The following KIAA0825 variants were observed in gnomAD, a reference collection of about 807,000 sequenced individuals.
KIAA0825 encodes KIAA0825.
KIAA0825 carries 119 observed loss-of-function variants against 147.6 expected under a neutral mutation model. The ratio of observed to expected loss-of-function variants is 0.81; its 90% confidence interval spans 0.69 to 0.94. KIAA0825 has a LOEUF of 0.94. Among genes scored for constraint, KIAA0825 ranks in the 40% least tolerant of loss-of-function variants. KIAA0825 has a pLI of 0.00. For synonymous variants in KIAA0825, 470 were observed against 518.1 expected, an observed-to-expected ratio of 0.91 and a Z score of 1.26; for missense variants, 1,381 against 1,472.7, an observed-to-expected ratio of 0.94 and a Z score of 1.02.
chr5:94,245,652 A>C (rs576979388), intron 20 of KIAA0825, among the ~76,000 whole-genome samples: 1 of 152,274 alleles, frequency 6.6e-6, no homozygotes, highest in Admixed American at 6.5e-5. Context: ...CTCTTGAGTC[A>C]GAGTTAGCAT....
At chr5:94,569,498 G>T in intron 2 of KIAA0825, 1 of 410,542 alleles carries the variant, frequency 2.4e-6, no homozygotes, top group South Asian at 1.3e-4. Context: ...CACGACCAAT[G>T]ATATGAAAAA....
chr5:94,604,978 T>G (rs999777902), intron 1 of KIAA0825, among the ~76,000 whole-genome samples: 7 of 150,870 alleles, frequency 4.6e-5, no homozygotes, highest in African/African-American at 7.3e-5. Flanking sequence ...TTCAAAAAAA[T>G]TAAAAAAATA....
At chr5:94,492,072 T>TTAGAAG (rs1387744649) in intron 5 of KIAA0825, among the ~76,000 whole-genome samples, 4 of 152,326 alleles carry the variant, frequency 2.6e-5, no homozygotes, top group South Asian at 4.1e-4. Flanking sequence ...AACATTTAAC[T>TTAGAAG]CTTAGAAGCT....
In KIAA0825 at chr5:94,480,988, G is replaced by A. The variant is rs150776797; in HGVS notation, c.1132+3781C>T. Among the ~76,000 whole-genome samples, 339 of 152,160 alleles carry A rather than the reference G, an allele frequency of 2.2e-3. 2 individuals carry two copies. Among genetic ancestry groups the A allele is most frequent in the South Asian group, 5.8e-3 (28 of 4,822 alleles). ...TTACATTTGTCTGGAATTCAAAATGGTCAATGTTGAAATTTGGCAATGTAA... is the reference window on the plus strand; with the variant it reads ...TTACATTTGTCTGGAATTCAAAATGATCAATGTTGAAATTTGGCAATGTAA... On this transcript the variant is annotated intron_variant, in intron 6 of 20. Transcript: ENST00000682413.
At chr5:94,277,468 CAAAAG>C (rs1394509840) in intron 20 of KIAA0825, among the ~76,000 whole-genome samples, 1 of 152,094 alleles carries the variant, frequency 6.6e-6, no homozygotes, top group African/African-American at 2.4e-5. Flanking sequence ...AGACACTTCT[CAAAAG>C]AAGACATTTA....
chr5:94,615,392 T>C (rs948759874), intron 1 of KIAA0825, among the ~76,000 whole-genome samples: 3 of 152,170 alleles, frequency 2.0e-5, no homozygotes, highest in Non-Finnish European at 2.9e-5. Flanking sequence ...AAAATTCAAC[T>C]GGAGGCTAGC....
intron 20 of KIAA0825, among the ~76,000 whole-genome samples, chr5:94,186,470 T>C (rs1410451622): frequency 6.6e-6 from 1 of 152,208 alleles, no homozygotes; most frequent in Non-Finnish European, 1.5e-5. Context: ...AAGCAAGGGA[T>C]ATGTGATAAT....
chr5:94,298,505 G>A (rs902561269), intron 20 of KIAA0825, among the ~76,000 whole-genome samples: 1 of 152,176 alleles, frequency 6.6e-6, no homozygotes, highest in Non-Finnish European at 1.5e-5. Context: ...GCTTATTTGT[G>A]TGGGACGTAA....
At chr5:94,329,292 A>C (rs1306311114) in intron 20 of KIAA0825, among the ~76,000 whole-genome samples, 4 of 152,154 alleles carry the variant, frequency 2.6e-5, no homozygotes, top group African/African-American at 9.6e-5. Flanking sequence ...CCCTAAAGAA[A>C]AGAACTGAGC....
chr5:94,383,044 T>C (rs1361189466), intron 20 of KIAA0825, among the ~76,000 whole-genome samples: 3 of 152,224 alleles, frequency 2.0e-5, no homozygotes, highest in East Asian at 1.9e-4. Flanking sequence ...ATAGATTCAA[T>C]AGAGGCCCTG....
intron 20 of KIAA0825, among the ~76,000 whole-genome samples, chr5:94,288,647 C>G (rs1777757874): frequency 6.6e-6 from 1 of 152,128 alleles, no homozygotes; most frequent in East Asian, 1.9e-4. Context: ...TGTCCATAAA[C>G]AAACACACAT....
chr5:94,375,377 T>G (rs929036320), intron 20 of KIAA0825, among the ~76,000 whole-genome samples: 1 of 152,088 alleles, frequency 6.6e-6, no homozygotes, highest in Non-Finnish European at 1.5e-5. Context: ...AAGTTTCTTT[T>G]ATATTTGTGT....
At chr5:94,477,890 T>C (rs76587884) in intron 6 of KIAA0825, among the ~76,000 whole-genome samples, 4,426 of 152,290 alleles carry the variant, frequency 0.029, 91 homozygotes, top group East Asian at 0.068. Context: ...TTTCTACTTT[T>C]CCATTAAGAT....
At chr5:94,493,594 T>G (rs940684706) in intron 5 of KIAA0825, among the ~76,000 whole-genome samples, 7 of 152,186 alleles carry the variant, frequency 4.6e-5, no homozygotes, top group Admixed American at 3.9e-4. Flanking sequence ...GTTCACGCCA[T>G]TCTCCTGCCT....
chr5:94,420,680 A>G (rs1288065107), intron 14 of KIAA0825, among the ~76,000 whole-genome samples: 1 of 152,132 alleles, frequency 6.6e-6, no homozygotes, highest in African/African-American at 2.4e-5. Flanking sequence ...GAAGGAATAA[A>G]AGAAGGAATG....
At chr5:94,526,392 C>T (rs1295485688) in intron 3 of KIAA0825, among the ~76,000 whole-genome samples, 1 of 151,912 alleles carries the variant, frequency 6.6e-6, no homozygotes, top group Non-Finnish European at 1.5e-5. Flanking sequence ...TTTAGCTATA[C>T]AAGTAATGTT....
chr5:94,283,293 A>C (rs1162358352), intron 20 of KIAA0825, among the ~76,000 whole-genome samples: 2 of 152,100 alleles, frequency 1.3e-5, no homozygotes, highest in Non-Finnish European at 2.9e-5. Context: ...AGAAGAAGAA[A>C]TTGAGGTATG....
At chr5:94,613,713 T>TA (rs946265140) in intron 1 of KIAA0825, among the ~76,000 whole-genome samples, 14 of 152,288 alleles carry the variant, frequency 9.2e-5, no homozygotes, top group African/African-American at 3.4e-4. Flanking sequence ...TTCCAATCCT[T>TA]ACAAAAGTAG....
chr5:94,593,154 T>G, intron 1 of KIAA0825: 1 of 747,160 alleles, frequency 1.3e-6, no homozygotes, highest in Non-Finnish European at 2.5e-6. Context: ...AGTTTGCTGG[T>G]GAGGCCCACG....
Sources: allele counts gnomAD v4.1 joint callset (sites outside exome capture counted in the v4.1 genomes callset), GRCh38; gene constraint gnomAD v4.1.1; transcripts MANE v1.5; gene names NCBI Gene and HGNC (gene_info 2026-07-23, HGNC 2026-07-21).